The following TET1 variants were observed in gnomAD, a reference collection of about 807,000 sequenced individuals.
The protein encoded by TET1 is methylcytosine dioxygenase TET1.
A neutral mutation model predicts 148.7 loss-of-function variants in TET1; 13 were observed. The ratio of observed to expected loss-of-function variants is 0.09; its 90% CI spans 0.06 to 0.14. The LOEUF is 0.14. TET1 is among the 10% of genes least tolerant of loss of function. The probability of loss-of-function intolerance (pLI) is 1.00; values close to 1 mark genes in which losing one functional copy is unlikely to be tolerated. For missense variants in TET1, 2,182 were observed against 2,553.8 expected (o/e 0.85, Z 3.14); for synonymous variants, 907 against 937.2 (o/e 0.97, Z 0.59).
At chr10:68,620,139 G>A (rs2054349562) in intron 3 of TET1, among the ~76,000 whole-genome samples, 1 of 152,212 alleles carries the variant, frequency 6.6e-6, no homozygotes, top group Non-Finnish European at 1.5e-5. Context: ...AGATTGCAGT[G>A]AGCCAGGCAC....
chr10:68,601,164 A>T (rs2054050571), intron 3 of TET1, 130 bp downstream of exon 3: 2 of 743,116 alleles, frequency 2.7e-6, no homozygotes, highest in Non-Finnish European at 4.3e-6. Flanking sequence ...ATGAATTTCC[A>T]CTCAACTAAA....
At chr10:68,689,669 C>T (rs1274601983) in intron 11 of TET1, among the ~76,000 whole-genome samples, 6 of 151,956 alleles carry the variant, frequency 3.9e-5, no homozygotes, top group African/African-American at 1.5e-4. Flanking sequence ...GTCCCAGCTA[C>T]TCGGGAGGCT....
intron 6 of TET1, 95 bp from the exon 7 acceptor site, chr10:68,666,950 T>A: frequency 9.1e-7 from 1 of 1,103,870 alleles, no homozygotes; most frequent in Non-Finnish European, 1.3e-6. Context: ...GTAAATAAAC[T>A]AAAATATAAT....
At chr10:68,592,714 C>G (rs2053933250) in intron 2 of TET1, among the ~76,000 whole-genome samples, 1 of 152,146 alleles carries the variant, frequency 6.6e-6, no homozygotes, top group South Asian at 2.1e-4. Flanking sequence ...TTCTCTCCCT[C>G]TATATCTTGC....
chr10:68,575,702 C>CAAAT (rs34948432), intron 2 of TET1, among the ~76,000 whole-genome samples: 25,988 of 140,510 alleles, frequency 0.18, 2,806 homozygotes, highest in African/African-American at 0.3. Context: ...AACTCCATCT[C>CAAAT]AAATAAATAA....
intron 3 of TET1, among the ~76,000 whole-genome samples, chr10:68,638,053 A>G (rs937794650): frequency 1.3e-5 from 2 of 152,120 alleles, no homozygotes; most frequent in Admixed American, 1.3e-4. Context: ...TGTTGGGATT[A>G]CAGGCGTGAG....
At chr10:68,660,630 C>A (rs2055094030) in intron 6 of TET1, among the ~76,000 whole-genome samples, 2 of 141,718 alleles carry the variant, frequency 1.4e-5, no homozygotes, top group South Asian at 4.6e-4. Flanking sequence ...GTGTGCCTGG[C>A]CAATTTTTTT....
intron 6 of TET1, among the ~76,000 whole-genome samples, chr10:68,654,675 T>A (rs1281527380): frequency 1.3e-5 from 2 of 151,820 alleles, no homozygotes; most frequent in Non-Finnish European, 2.9e-5. Flanking sequence ...CAGGTGGGGG[T>A]AAAAAGGTGA....
chr10:68,580,873 A>G (rs1312919997), intron 2 of TET1, among the ~76,000 whole-genome samples: 1 of 150,558 alleles, frequency 6.6e-6, no homozygotes, highest in East Asian at 2.0e-4. Flanking sequence ...CAGGAGGCTG[A>G]GGTGGCAGAT....
chr10:68,589,114 C>T (rs1457756278), intron 2 of TET1, among the ~76,000 whole-genome samples: 1 of 151,400 alleles, frequency 6.6e-6, no homozygotes, highest in Non-Finnish European at 1.5e-5. Context: ...AAGACCCTTT[C>T]TCAAAAAAAA....
At chr10:68,601,954 C>G (rs2054061278) in intron 3 of TET1, among the ~76,000 whole-genome samples, 1 of 152,034 alleles carries the variant, frequency 6.6e-6, no homozygotes. Flanking sequence ...CAAAGAGGAA[C>G]AACATGTTGA....
intron 3 of TET1, among the ~76,000 whole-genome samples, chr10:68,628,975 A>G (rs1318236159): frequency 1.3e-5 from 2 of 152,220 alleles, no homozygotes; most frequent in African/African-American, 2.4e-5. Flanking sequence ...CATTTCAATC[A>G]ATTTAAATTT....
intron 6 of TET1, among the ~76,000 whole-genome samples, chr10:68,666,354 T>G (rs1250687950): frequency 6.6e-6 from 1 of 152,182 alleles, no homozygotes; most frequent in East Asian, 1.9e-4. Flanking sequence ...ACAGAGGCAT[T>G]CCTTTGTGTA....
chr10:68,662,179 T>C (rs1353939326), intron 6 of TET1, among the ~76,000 whole-genome samples: 1 of 152,108 alleles, frequency 6.6e-6, no homozygotes, highest in Non-Finnish European at 1.5e-5. Context: ...GCCCTAATTT[T>C]TGTATTTTTA....
chr10:68,608,644 C>G (rs2054161611), intron 3 of TET1, among the ~76,000 whole-genome samples: 1 of 152,242 alleles, frequency 6.6e-6, no homozygotes, highest in East Asian at 1.9e-4. Context: ...AAGTGATTCT[C>G]CTACCTCAGC....
At chr10:68,683,111 GA>G (rs11284778) in intron 10 of TET1, 138 bp downstream of exon 10, 776,734 of 961,944 alleles carry the variant, frequency 0.81, 317,166 homozygotes, top group Middle Eastern at 0.86. Flanking sequence ...AAAATAAAGT[GA>G]AAAAAAAGAA....
At chr10:68,566,446 C>T (rs188195958) in intron 1 of TET1, among the ~76,000 whole-genome samples, 2 of 150,728 alleles carry the variant, frequency 1.3e-5, no homozygotes, top group African/African-American at 4.9e-5. Flanking sequence ...AAATATCTTT[C>T]AGTTTCTCAC....
chr10:68,641,359 G>A lies in TET1; in HGVS notation c.1969-3339G>A, dbSNP rs536472928. 1.8e-4 allele frequency among the ~76,000 whole-genome samples: 28 copies of A among 151,778 alleles called. No individual in the cohort carries two copies. In the East Asian group the frequency reaches 5.1e-3, roughly 27 times the overall value. On this transcript the variant is annotated intron_variant, in intron 3 of 11. Transcript: ENST00000373644. ...ACTTTGTTGCTCAGGCTGGAGTGCAGTGATTCCACCACTGATCAGTTATAG... is the reference window on the plus strand; with the variant it reads ...ACTTTGTTGCTCAGGCTGGAGTGCAATGATTCCACCACTGATCAGTTATAG...
In TET1 at chr10:68,652,485, T is replaced by C. The variant is rs540458543; in HGVS notation, c.4368-16T>C. On this transcript the variant is annotated splice_polypyrimidine_tract_variant and intron_variant, in intron 5 of 11. Coordinates refer to ENST00000373644, the MANE Select transcript of TET1 (RefSeq NM_030625.3). ...CAATTAATTAGTACATTCCCTTCACTGTGTTTTATACTCAGGTATGGTCAA... is the reference window on the plus strand; with the variant it reads ...CAATTAATTAGTACATTCCCTTCACCGTGTTTTATACTCAGGTATGGTCAA... 2 of 1,573,906 alleles carry C rather than the reference T, an allele frequency of 1.3e-6. No individual in the cohort carries two copies. The highest frequency in any genetic ancestry group is 1.7e-6 in the Non-Finnish European group (2 of 1,154,128).
Sources: gnomAD v4.1 joint callset for allele counts (sites outside exome capture counted in the v4.1 genomes callset) on GRCh38, gnomAD v4.1.1 for gene constraint, MANE v1.5 for transcripts, NCBI Gene and HGNC (gene_info 2026-07-23, HGNC 2026-07-21) for gene names.